The following RAD51B variants were observed in gnomAD, a reference collection of about 807,000 sequenced individuals.
The protein encoded by RAD51B is DNA repair protein RAD51 homolog 2.
A neutral mutation model predicts 42.2 loss-of-function variants in RAD51B; 38 were observed. That is an observed-to-expected ratio of 0.90 (90% CI 0.70 to 1.18). RAD51B has a LOEUF of 1.18. RAD51B is among the 50% of genes most tolerant of loss of function. The pLI, the probability that RAD51B is intolerant of heterozygous loss-of-function variation, is 0.00. For missense variants in RAD51B, 373 were observed against 400.7 expected, an observed-to-expected ratio of 0.93 and a Z score of 0.59; for synonymous variants, 154 against 145.2, an observed-to-expected ratio of 1.06 and a Z score of -0.43.
rs79820381 is a variant in RAD51B at position 67,991,827 on chromosome 14, C to T, written c.756+104623C>T. On this transcript the variant is annotated intron_variant, in intron 7 of 10. Transcript: ENST00000471583. ...ATATCTCTTTGATATAGACAGGAGT[C>T]AAAAAAGCTCTAAAAATATCAGGAT... Among the ~76,000 whole-genome samples, 506 of 151,742 alleles carry T rather than the reference C, an allele frequency of 3.3e-3. 3 individuals carry two copies. The highest frequency in any genetic ancestry group is 0.012 in the African/African-American group (483 of 41,374).
intron 8 of RAD51B, among the ~76,000 whole-genome samples, chr14:68,304,895 A>C (rs963865148): frequency 2.0e-5 from 3 of 152,176 alleles, no homozygotes; most frequent in African/African-American, 7.2e-5. Flanking sequence ...CAACCCATCT[A>C]TGAGCATTTT....
intron 7 of RAD51B, among the ~76,000 whole-genome samples, chr14:68,071,827 A>G (rs575594411): frequency 6.6e-6 from 1 of 151,558 alleles, no homozygotes; most frequent in South Asian, 2.1e-4. Flanking sequence ...GGATAGGTTT[A>G]ATAGGATAGG....
At chr14:68,392,192 A>G (rs1271266854) in intron 8 of RAD51B, among the ~76,000 whole-genome samples, 1 of 152,240 alleles carries the variant, frequency 6.6e-6, no homozygotes, top group Non-Finnish European at 1.5e-5. Flanking sequence ...TTCTGTTTAA[A>G]TGGAAAACCA....
chr14:68,257,209 G>A (rs2139524835), intron 7 of RAD51B, among the ~76,000 whole-genome samples: 1 of 152,224 alleles, frequency 6.6e-6, no homozygotes, highest in Admixed American at 6.5e-5. Flanking sequence ...AAGGATGAAT[G>A]GGGAGCTGTT....
Position 67,883,311 on chromosome 14 carries a change from A to G in RAD51B, c.453-2558A>G, listed in dbSNP as rs940736548. On this transcript the variant is annotated intron_variant, in intron 5 of 10. Transcript: ENST00000471583. Reference sequence around the variant, plus strand: ...ATTTTGCTAAATAAAAGCTAAAAAAAAAAAATACCACTTTAGCAAAAAAAA... The same window carrying G: ...ATTTTGCTAAATAAAAGCTAAAAAAGAAAAATACCACTTTAGCAAAAAAAA... 2.1e-3 allele frequency among the ~76,000 whole-genome samples: 317 copies of G among 151,776 alleles called. 1 individual carries two copies. The highest frequency in any genetic ancestry group is 3.5e-3 in the Non-Finnish European group (240 of 67,978).
chr14:68,619,462 A>G (rs952708340), intron 10 of RAD51B, among the ~76,000 whole-genome samples: 2 of 47,048 alleles, frequency 4.3e-5, no homozygotes, highest in African/African-American at 6.1e-5. Context: ...ACTCCATCTC[A>G]AAAAAAAAAA....
At chr14:68,179,357 G>A (rs935315681) in intron 7 of RAD51B, among the ~76,000 whole-genome samples, 7 of 151,960 alleles carry the variant, frequency 4.6e-5, no homozygotes, top group African/African-American at 7.2e-5. Flanking sequence ...TTAAAAATAC[G>A]TATTTAAATT....
intron 8 of RAD51B, among the ~76,000 whole-genome samples, chr14:68,405,823 T>A (rs1443612533): frequency 7.5e-6 from 1 of 132,934 alleles, no homozygotes; most frequent in Admixed American, 7.8e-5. Flanking sequence ...TCCTACAGTT[T>A]ATCACCAAAA....
intron 10 of RAD51B, chr14:68,470,565 CTG>C (rs966530594): frequency 4.0e-6 from 2 of 504,372 alleles, no homozygotes; most frequent in African/African-American, 3.8e-5. Context: ...ACTTTGAAAA[CTG>C]TCGCAACCCA....
intron 10 of RAD51B, among the ~76,000 whole-genome samples, chr14:68,504,717 G>T (rs1594922025): frequency 1.8e-5 from 2 of 110,984 alleles, no homozygotes; most frequent in Non-Finnish European, 1.7e-5. Flanking sequence ...TTCATTTCCT[G>T]GCTTAAAAAA....
exon 11 of RAD51B, chr14:68,595,001 A>G (rs1377529607): frequency 9.3e-7 from 1 of 1,077,090 alleles, no homozygotes; most frequent in East Asian, 4.8e-5. Flanking sequence ...TGAGGCTGAG[A>G]CAAACTAGGA....
At chr14:68,340,477 C>G (rs1387317395) in intron 8 of RAD51B, among the ~76,000 whole-genome samples, 5 of 152,184 alleles carry the variant, frequency 3.3e-5, no homozygotes, top group Non-Finnish European at 7.3e-5. Flanking sequence ...GGGCTGCTAC[C>G]TGTGAGGTTT....
At chr14:68,234,018 G>T (rs2080197781) in intron 7 of RAD51B, among the ~76,000 whole-genome samples, 1 of 151,918 alleles carries the variant, frequency 6.6e-6, no homozygotes, top group South Asian at 2.1e-4. Context: ...AGTGTAGGGT[G>T]GAAAAAAGGG....
chr14:68,426,959 A>C (rs1262600550), intron 9 of RAD51B, among the ~76,000 whole-genome samples: 1 of 152,136 alleles, frequency 6.6e-6, no homozygotes, highest in Admixed American at 6.5e-5. Context: ...TGCATCCCAG[A>C]GGAGCATTTC....
At chr14:67,907,643 G>A (rs1042288852) in intron 7 of RAD51B, among the ~76,000 whole-genome samples, 11 of 152,022 alleles carry the variant, frequency 7.2e-5, no homozygotes, top group African/African-American at 1.9e-4. Context: ...CCCTGCCTCC[G>A]GAGTTATTTA....
intron 10 of RAD51B, among the ~76,000 whole-genome samples, chr14:68,513,879 A>G (rs1885935913): frequency 6.6e-6 from 1 of 152,226 alleles, no homozygotes; most frequent in South Asian, 2.1e-4. Context: ...GAATAGCAAC[A>G]TGGGGCTTGT....
chr14:68,038,531 T>C (rs73284250), intron 7 of RAD51B, among the ~76,000 whole-genome samples: 1,525 of 152,348 alleles, frequency 0.01, 23 homozygotes, highest in African/African-American at 0.036. Flanking sequence ...CATTGTTAAC[T>C]ACAAACTTGG....
At chr14:68,429,287 G>C (rs555786910) in intron 9 of RAD51B, among the ~76,000 whole-genome samples, 1 of 152,102 alleles carries the variant, frequency 6.6e-6, no homozygotes, top group Non-Finnish European at 1.5e-5. Flanking sequence ...GGATGGCTGG[G>C]TCAAATGGTA....
At chr14:68,224,240 T>G (rs533947603) in intron 7 of RAD51B, among the ~76,000 whole-genome samples, 1 of 152,356 alleles carries the variant, frequency 6.6e-6, no homozygotes, top group African/African-American at 2.4e-5. Context: ...GAGATTGCGC[T>G]AAAATTGCAT....
Sources: allele counts gnomAD v4.1 joint callset (sites outside exome capture counted in the v4.1 genomes callset), GRCh38; gene constraint gnomAD v4.1.1; transcripts MANE v1.5; gene names NCBI Gene and HGNC (gene_info 2026-07-23, HGNC 2026-07-21).